Variants in KCNIP4 observed in about 807,000 individuals in gnomAD.
KCNIP4 encodes the protein potassium voltage-gated channel interacting protein 4, also known as Kv channel-interacting protein 4.
A neutral mutation model predicts 34.0 loss-of-function variants in KCNIP4; 12 were observed. That is an observed-to-expected ratio of 0.35 (90% CI 0.23 to 0.57). The LOEUF (loss-of-function observed/expected upper bound fraction) is 0.57. Among genes scored for constraint, KCNIP4 ranks in the 20% least tolerant of loss-of-function variants. The probability of loss-of-function intolerance (pLI) is 0.83; values close to 1 mark genes in which losing one functional copy is unlikely to be tolerated. For missense variants in KCNIP4, 238 were observed against 311.7 expected, an observed-to-expected ratio of 0.76 and a Z score of 1.78; for synonymous variants, 124 against 102.2, an observed-to-expected ratio of 1.21 and a Z score of -1.29.
chr4:21,352,395 T>C (rs1718097337), intron 1 of KCNIP4, among the ~76,000 whole-genome samples: 1 of 152,176 alleles, frequency 6.6e-6, no homozygotes, highest in Non-Finnish European at 1.5e-5. Context: ...TGATAGACTG[T>C]ACCTGGAAAA....
intron 3 of KCNIP4, among the ~76,000 whole-genome samples, chr4:20,848,000 T>C (rs1259789071): frequency 6.6e-6 from 1 of 152,152 alleles, no homozygotes; most frequent in Non-Finnish European, 1.5e-5. Flanking sequence ...ACTACCATGC[T>C]GTAAAACCCA....
chr4:21,414,682 A>C (rs1353518981), intron 1 of KCNIP4, among the ~76,000 whole-genome samples: 1 of 152,238 alleles, frequency 6.6e-6, no homozygotes, highest in Non-Finnish European at 1.5e-5. Context: ...AAAACAATCT[A>C]AGTGTCCATC....
At chr4:21,358,795 T>C (rs1206888635) in intron 1 of KCNIP4, among the ~76,000 whole-genome samples, 1 of 152,114 alleles carries the variant, frequency 6.6e-6, no homozygotes, top group Non-Finnish European at 1.5e-5. Context: ...TTGCCTCCTT[T>C]GGAAAGGCTC....
At chr4:21,125,403 G>A (rs963653692) in intron 1 of KCNIP4, among the ~76,000 whole-genome samples, 54 of 151,828 alleles carry the variant, frequency 3.6e-4, no homozygotes, top group African/African-American at 1.3e-3. Context: ...TTTTAGTAGA[G>A]ACGGGGTTTC....
chr4:21,405,595 T>G (rs946307418), intron 1 of KCNIP4, among the ~76,000 whole-genome samples: 1 of 152,204 alleles, frequency 6.6e-6, no homozygotes, highest in African/African-American at 2.4e-5. Context: ...TTTTCCTCTG[T>G]ATGCTTCCTG....
intron 1 of KCNIP4, among the ~76,000 whole-genome samples, chr4:21,753,631 T>A (rs571223179): frequency 6.6e-6 from 1 of 152,292 alleles, no homozygotes; most frequent in South Asian, 2.1e-4. Flanking sequence ...GCAGGTTAAA[T>A]GTCCTGTTGT....
intron 1 of KCNIP4, among the ~76,000 whole-genome samples, chr4:21,437,684 A>G (rs1463770721): frequency 2.0e-5 from 3 of 152,248 alleles, no homozygotes; most frequent in Admixed American, 6.5e-5. Context: ...AGGATCTTCC[A>G]AAGTGGCTTA....
intron 1 of KCNIP4, among the ~76,000 whole-genome samples, chr4:21,579,394 T>C (rs1040585768): frequency 6.6e-6 from 1 of 152,228 alleles, no homozygotes; most frequent in African/African-American, 2.4e-5. Context: ...ATATTATTTA[T>C]ATCCTTTGCA....
intron 1 of KCNIP4, among the ~76,000 whole-genome samples, chr4:21,119,010 A>T (rs1034510864): frequency 6.6e-6 from 1 of 152,212 alleles, no homozygotes; most frequent in African/African-American, 2.4e-5. Context: ...CTTAGATATG[A>T]TGAGGTTTTT....
rs1237501464 is a variant in KCNIP4 at position 21,304,052 on chromosome 4, AG to A, written c.62-421344del. On this transcript the variant is annotated intron_variant, in intron 1 of 8. Coordinates refer to ENST00000382152, the MANE Select transcript of KCNIP4 (RefSeq NM_025221.6). ...GTATGAGAGAGAGAGAGAGAGAGAG[AG>A]AGAGAGAGAGAGAGACAGAGAGAGA... is the stretch of plus-strand genomic sequence containing the variant. 1.6e-5 allele frequency: 7 copies of A among 446,240 alleles called. No homozygotes were observed. The Admixed American group carries it at 5.5e-4, about 35-fold the overall frequency. 27.6% of individuals were successfully genotyped at this position (446,240 alleles called of 1,614,324 possible).
At chr4:21,632,160 G>T (rs910895902) in intron 1 of KCNIP4, among the ~76,000 whole-genome samples, 2 of 152,034 alleles carry the variant, frequency 1.3e-5, no homozygotes, top group African/African-American at 4.8e-5. Context: ...GCTTTTTGAT[G>T]TTCAGCATTA....
At chr4:21,418,171 C>CCTCTCTCTCT (rs144729656) in intron 1 of KCNIP4, among the ~76,000 whole-genome samples, 1 of 149,832 alleles carries the variant, frequency 6.7e-6, no homozygotes, top group Non-Finnish European at 1.5e-5. Context: ...ACACTCTCTC[C>CCTCTCTCTCT]CTCTCTCTCT....
chr4:21,308,288 G>A (rs980696124), intron 1 of KCNIP4, among the ~76,000 whole-genome samples: 29 of 152,088 alleles, frequency 1.9e-4, no homozygotes, highest in Non-Finnish European at 1.5e-4. Flanking sequence ...CCTCCTTCAG[G>A]GAAGTGTTGT....
intron 1 of KCNIP4, among the ~76,000 whole-genome samples, chr4:21,383,724 GT>G (rs1472810976): frequency 2.0e-5 from 3 of 152,064 alleles, no homozygotes; most frequent in Non-Finnish European, 4.4e-5. Flanking sequence ...CTATTCATTG[GT>G]TTTCCTGCTT....
Position 21,812,759 on chromosome 4 carries a change from C to T in KCNIP4, c.61+135812G>A, listed in dbSNP as rs1438965802. Among the ~76,000 whole-genome samples, 2 of 152,120 alleles carry T rather than the reference C, an allele frequency of 1.3e-5. 1 individual carries two copies. The highest frequency in any genetic ancestry group is 2.9e-5 in the Non-Finnish European group (2 of 68,016). ...ATCATACAAAGATCCTGGGCTCTTA[C>T]ATAATGCTAAGAAATTGGGTGCTTT... On this transcript the variant is annotated intron_variant, in intron 1 of 8. Transcript: ENST00000382152.
At chr4:21,848,370 C>T (rs550868600) in intron 1 of KCNIP4, 2 of 152,032 alleles carry the variant, frequency 1.3e-5, no homozygotes, top group South Asian at 2.1e-4. Flanking sequence ...ATTCTGGCTC[C>T]GTCGCTCACC....
intron 1 of KCNIP4, among the ~76,000 whole-genome samples, chr4:20,896,402 T>C (rs1447160391): frequency 1.3e-5 from 2 of 152,096 alleles, no homozygotes; most frequent in Non-Finnish European, 2.9e-5. Context: ...ATTTGGAAAA[T>C]AGAATGTTTG....
chr4:21,227,596 G>C (rs1247663391), intron 1 of KCNIP4, among the ~76,000 whole-genome samples: 2 of 152,090 alleles, frequency 1.3e-5, no homozygotes, highest in Admixed American at 1.3e-4. Flanking sequence ...GCTTGTGTCT[G>C]TTCATTTATC....
At chr4:21,420,599 G>C (rs2109624344) in intron 1 of KCNIP4, among the ~76,000 whole-genome samples, 1 of 152,142 alleles carries the variant, frequency 6.6e-6, no homozygotes, top group Admixed American at 6.5e-5. Flanking sequence ...TCTACCCTCT[G>C]TTTCATACAT....
Sources: allele counts gnomAD v4.1 joint callset (sites outside exome capture counted in the v4.1 genomes callset), GRCh38; gene constraint gnomAD v4.1.1; transcripts MANE v1.5; gene names NCBI Gene and HGNC (gene_info 2026-07-23, HGNC 2026-07-21).